Variants in BTBD2 observed in about 807,000 individuals in gnomAD.
BTBD2 encodes the protein BTB domain containing 2.
Under a neutral mutation model 44.0 loss-of-function variants are expected in BTBD2, and 15 were observed. The ratio of observed to expected loss-of-function variants is 0.34; its 90% CI spans 0.23 to 0.53. The LOEUF is 0.53. Ranked by LOEUF, BTBD2 falls within the 20% of genes least tolerant of loss-of-function variation. The pLI, the probability that BTBD2 is intolerant of heterozygous loss-of-function variation, is 0.95. For synonymous variants in BTBD2, 443 were observed against 335.9 expected, an observed-to-expected ratio of 1.32 and a Z score of -3.49; for missense variants, 657 against 746.4, an observed-to-expected ratio of 0.88 and a Z score of 1.39.
intron 1 of BTBD2, chr19:2,002,434 G>A (rs1346125753): frequency 1.3e-5 from 2 of 152,186 alleles, no homozygotes; most frequent in African/African-American, 4.8e-5. Context: ...CGGAGATGTG[G>A]GACTCCTGAT....
chr19:2,015,061 G>A (rs1240180178), intron 1 of BTBD2, among the ~76,000 whole-genome samples: 1 of 150,730 alleles, frequency 6.6e-6, no homozygotes, highest in Non-Finnish European at 1.5e-5. Flanking sequence ...GGGGTGCAGG[G>A]GTCCCAGGGA....
chr19:1,987,119 G>A (rs201109257), intron 7 of BTBD2, 47 bp downstream of exon 7: 4 of 1,600,328 alleles, frequency 2.5e-6, no homozygotes, highest in East Asian at 4.5e-5. Flanking sequence ...GGTGGAGAGA[G>A]GACATGGGCC....
At chr19:2,002,724 C>T (rs576822175) in intron 1 of BTBD2, 4 of 151,856 alleles carry the variant, frequency 2.6e-5, no homozygotes, top group African/African-American at 9.7e-5. Flanking sequence ...ATACCAAAAA[C>T]AAATTAGCCA....
chr19:1,990,995 C>CT (rs1198319708), intron 3 of BTBD2, 173 bp from the exon 4 acceptor site: 7 of 600,122 alleles, frequency 1.2e-5, no homozygotes, highest in Admixed American at 5.7e-5. Flanking sequence ...GGCCCAGAGA[C>CT]TCCCCTGTGA....
intron 1 of BTBD2, among the ~76,000 whole-genome samples, chr19:2,002,088 T>A (rs907624540): frequency 3.3e-5 from 5 of 152,142 alleles, no homozygotes; most frequent in Non-Finnish European, 7.4e-5. Context: ...TCATTTTTAT[T>A]TTTAGTTTTT....
intron 1 of BTBD2, among the ~76,000 whole-genome samples, chr19:2,006,105 A>T (rs11879095): frequency 0.2 from 30,679 of 151,450 alleles, 3,516 homozygotes; most frequent in East Asian, 0.29. Context: ...AAAAAAAAAA[A>T]TTTAATTTTT....
intron 1 of BTBD2, among the ~76,000 whole-genome samples, chr19:1,999,834 T>C (rs376101690): frequency 6.7e-4 from 100 of 150,288 alleles, no homozygotes; most frequent in Middle Eastern, 3.4e-3. Flanking sequence ...TGGTGGTGGG[T>C]GCCTGTAATC....
chr19:1,987,825 C>T, intron 5 of BTBD2, 133 bp from the exon 6 acceptor site: 2 of 911,460 alleles, frequency 2.2e-6, no homozygotes, highest in Non-Finnish European at 3.2e-6. Flanking sequence ...CAGCCCCTCC[C>T]CGGGGGACTA....
In BTBD2 at chr19:1,991,001, T is replaced by C. The variant is rs572989041; in HGVS notation, c.685-179A>G. The C allele has an allele frequency of 4.5e-5, 26 of 582,494 alleles. No homozygotes were observed. The East Asian group carries it at 6.5e-4, about 15-fold the overall frequency. The allele number at this position is 582,494 out of a possible 1,614,324, so 36.1% of individuals were successfully genotyped here. A position where few individuals can be genotyped will look rare whatever the true frequency, so the allele number is the denominator to read the frequency against. On this transcript the variant is annotated intron_variant, in intron 3 of 8. Coordinates refer to ENST00000255608, the MANE Select transcript of BTBD2 (RefSeq NM_017797.4). ...CCTGTTGTGGGCCCAGAGACTCCCC[T>C]GTGACCGCTGACTGGGGCGGGAGAG...
intron 1 of BTBD2, among the ~76,000 whole-genome samples, chr19:2,007,145 T>TC (rs1266292120): frequency 6.6e-6 from 1 of 151,976 alleles, no homozygotes; most frequent in Non-Finnish European, 1.5e-5. Flanking sequence ...CGTGAGCCAC[T>TC]GCGCCCAGCC....
At chr19:1,992,987 G>C in intron 3 of BTBD2, 33 bp downstream of exon 3, 1 of 1,466,748 alleles carries the variant, frequency 6.8e-7, no homozygotes, top group Non-Finnish European at 9.0e-7. Context: ...GCCAGGCCTG[G>C]CCCCGCCCCC....
chr19:2,008,479 CAG>C (rs773809794), intron 1 of BTBD2, among the ~76,000 whole-genome samples: 1 of 151,704 alleles, frequency 6.6e-6, no homozygotes, highest in Non-Finnish European at 1.5e-5. Flanking sequence ...TTAATACAGA[CAG>C]AGTTTCACTA....
At chr19:2,001,431 G>A (rs906349813) in intron 1 of BTBD2, among the ~76,000 whole-genome samples, 1 of 152,156 alleles carries the variant, frequency 6.6e-6, no homozygotes, top group South Asian at 2.1e-4. Flanking sequence ...GGCGGAGGTC[G>A]CAGTGAGCTG....
intron 1 of BTBD2, among the ~76,000 whole-genome samples, chr19:1,998,943 G>GC (rs1464545357): frequency 1.3e-5 from 2 of 152,080 alleles, no homozygotes; most frequent in African/African-American, 2.4e-5. Context: ...TCCCACCACA[G>GC]CAAGTGCCGG....
At chr19:1,991,742 C>T (rs2016181692) in intron 3 of BTBD2, 1 of 152,742 alleles carries the variant, frequency 6.5e-6, no homozygotes, top group Non-Finnish European at 1.5e-5. Context: ...TCACGGCTCC[C>T]AAGCGGCCGT....
intron 5 of BTBD2, chr19:1,989,722 C>T (rs919592045): frequency 4.0e-5 from 19 of 477,804 alleles, no homozygotes; most frequent in Admixed American, 1.0e-4. Flanking sequence ...CACAAGGGCG[C>T]GAGACGGGGA....
At chr19:1,990,538 G>T (rs977514004) in intron 4 of BTBD2, among the ~76,000 whole-genome samples, 179 bp downstream of exon 4, 15 of 152,200 alleles carry the variant, frequency 9.9e-5, no homozygotes, top group Non-Finnish European at 1.5e-4. Context: ...TGGCCTCCTG[G>T]CCAAGGCCCC....
At chr19:2,013,360 T>G (rs764759746) in intron 1 of BTBD2, among the ~76,000 whole-genome samples, 29 of 148,860 alleles carry the variant, frequency 1.9e-4, no homozygotes, top group Admixed American at 5.3e-4. Flanking sequence ...AGACAGATAC[T>G]GGGCCAAACC....
chr19:2,002,178 C>G (rs1254822969), intron 1 of BTBD2, among the ~76,000 whole-genome samples: 2 of 152,086 alleles, frequency 1.3e-5, no homozygotes, highest in East Asian at 3.9e-4. Context: ...ACCTCCTGGA[C>G]TCAAGCAATG....
Sources: gnomAD v4.1 joint callset for allele counts (sites outside exome capture counted in the v4.1 genomes callset) on GRCh38, gnomAD v4.1.1 for gene constraint, MANE v1.5 for transcripts, NCBI Gene and HGNC (gene_info 2026-07-23, HGNC 2026-07-21) for gene names.